GPR158: variants seen among roughly 807,000 people sequenced by gnomAD.
GPR158 encodes the protein G protein-coupled receptor 158.
Under a neutral mutation model 78.2 loss-of-function variants are expected in GPR158, and 30 were observed. The observed-to-expected ratio is 0.38, with a 90% CI of 0.29 to 0.52. The LOEUF is 0.52. Among genes scored for constraint, GPR158 ranks in the 20% least tolerant of loss-of-function variants. The pLI, the probability that GPR158 is intolerant of heterozygous loss-of-function variation, is 0.83. For synonymous variants in GPR158, 581 were observed against 591.1 expected (o/e 0.98, Z 0.25); for missense variants, 1,463 against 1,523.5 (o/e 0.96, Z 0.66).
chr10:25,249,582 G>C, intron 2 of GPR158, among the ~76,000 whole-genome samples: 1 of 151,852 alleles, frequency 6.6e-6, no homozygotes, highest in Non-Finnish European at 1.5e-5. Flanking sequence ...TGTGGATTTT[G>C]TCTTTGGTTC....
intron 2 of GPR158, among the ~76,000 whole-genome samples, chr10:25,288,236 G>A (rs1189969785): frequency 2.0e-5 from 3 of 152,196 alleles, no homozygotes; most frequent in African/African-American, 7.2e-5. Flanking sequence ...AGATTTGGGG[G>A]TTTGAACACA....
At chr10:25,426,591 G>T (rs1273079229) in intron 4 of GPR158, among the ~76,000 whole-genome samples, 2 of 152,080 alleles carry the variant, frequency 1.3e-5, no homozygotes, top group African/African-American at 4.8e-5. Flanking sequence ...CAGGAGAACT[G>T]CCAGTCAGTG....
chr10:25,281,399 A>C (rs1179620779), intron 2 of GPR158, among the ~76,000 whole-genome samples: 3 of 139,878 alleles, frequency 2.1e-5, no homozygotes, highest in African/African-American at 8.1e-5. Context: ...CCTCACCTCT[A>C]CCAAAAATAC....
At chr10:25,278,967 A>G (rs1466466830) in intron 2 of GPR158, among the ~76,000 whole-genome samples, 3 of 152,186 alleles carry the variant, frequency 2.0e-5, no homozygotes, top group Middle Eastern at 3.4e-3. Flanking sequence ...ATGTGCAAAG[A>G]AAATAGTATG....
At chr10:25,566,090 G>A (rs909819426) in intron 6 of GPR158, among the ~76,000 whole-genome samples, 9 of 152,158 alleles carry the variant, frequency 5.9e-5, no homozygotes, top group Non-Finnish European at 1.2e-4. Context: ...CCCTGCAGTG[G>A]CATGGCAAAG....
At chr10:25,323,238 TTTG>T (rs1209261963) in intron 2 of GPR158, among the ~76,000 whole-genome samples, 1 of 152,204 alleles carries the variant, frequency 6.6e-6, no homozygotes, top group African/African-American at 2.4e-5. Flanking sequence ...TCATTTGGGC[TTTG>T]TTGTTACATT....
At chr10:25,350,545 G>GT (rs1274985725) in intron 2 of GPR158, among the ~76,000 whole-genome samples, 1 of 151,982 alleles carries the variant, frequency 6.6e-6, no homozygotes, top group Non-Finnish European at 1.5e-5. Context: ...CCGTTGGTCA[G>GT]TTTTTTCCTA....
chr10:25,547,573 C>A (rs1345117037), intron 5 of GPR158, among the ~76,000 whole-genome samples: 1 of 152,136 alleles, frequency 6.6e-6, no homozygotes, highest in African/African-American at 2.4e-5. Context: ...GTTTCCACTG[C>A]CAGTAATTTC....
At chr10:25,294,990 TGAAAA>T (rs1424382200) in intron 2 of GPR158, among the ~76,000 whole-genome samples, 1 of 152,202 alleles carries the variant, frequency 6.6e-6, no homozygotes, top group Non-Finnish European at 1.5e-5. Flanking sequence ...ATTCAATACT[TGAAAA>T]GAAGAGGACA....
intron 3 of GPR158, among the ~76,000 whole-genome samples, chr10:25,405,085 T>C (rs560275134): frequency 6.6e-6 from 1 of 152,260 alleles, no homozygotes; most frequent in African/African-American, 2.4e-5. Flanking sequence ...GCAATCGCTA[T>C]GAAAGAACCT....
chr10:25,490,089 A>C (rs79620565), intron 5 of GPR158, among the ~76,000 whole-genome samples: 11,688 of 152,114 alleles, frequency 0.077, 1,055 homozygotes, highest in African/African-American at 0.22. Flanking sequence ...CAATATTCAC[A>C]TAAAGAACTG....
chr10:25,568,443 A>G (rs1441167735), intron 6 of GPR158, among the ~76,000 whole-genome samples: 1 of 152,180 alleles, frequency 6.6e-6, no homozygotes, highest in African/African-American at 2.4e-5. Flanking sequence ...AGAAGTAGGA[A>G]GGAAGTAGGA....
chr10:25,374,759 C>A (rs1281540353), intron 2 of GPR158, among the ~76,000 whole-genome samples: 1 of 151,636 alleles, frequency 6.6e-6, no homozygotes, highest in Non-Finnish European at 1.5e-5. Context: ...ATGTAGTATT[C>A]CATAATATGG....
intron 1 of GPR158, among the ~76,000 whole-genome samples, chr10:25,203,385 A>G (rs1852964613): frequency 6.6e-6 from 1 of 152,140 alleles, no homozygotes; most frequent in Non-Finnish European, 1.5e-5. Context: ...TTATGGTTTT[A>G]GGTCTAACAT....
At chr10:25,553,154 A>T (rs936338551) in intron 6 of GPR158, among the ~76,000 whole-genome samples, 4 of 152,172 alleles carry the variant, frequency 2.6e-5, no homozygotes, top group African/African-American at 9.7e-5. Flanking sequence ...AGCTTCCTTT[A>T]AATATTTTAA....
At chr10:25,428,787 A>T (rs1247947197) in intron 4 of GPR158, among the ~76,000 whole-genome samples, 1 of 152,090 alleles carries the variant, frequency 6.6e-6, no homozygotes, top group African/African-American at 2.4e-5. Context: ...TTTACAATGA[A>T]ATATTTGATT....
rs1837446571 is a variant in GPR158, at chr10:25,598,602, A to G, written c.2976A>G (p.Pro992=). The G allele has an allele frequency of 6.2e-7, 1 of 1,613,952 alleles. No individual in the cohort carries two copies. The highest frequency in any genetic ancestry group is 1.3e-5 in the African/African-American group (1 of 74,892). The change falls in exon 11 of 11, where the codon CCA becomes CCG. Residue 992 remains proline (P), a synonymous_variant. Coordinates refer to ENST00000376351, the MANE Select transcript of GPR158 (RefSeq NM_020752.3). ...NPTTANSDLN[P]GTTQMKDNFD... ...CCACTGCCAATTCTGACCTGAACCCAGGCACCACCCAGATGAAGGACAACT... is the reference window on the plus strand; with the variant it reads ...CCACTGCCAATTCTGACCTGAACCCGGGCACCACCCAGATGAAGGACAACT...
intron 2 of GPR158, among the ~76,000 whole-genome samples, chr10:25,248,824 T>G (rs1370013440): frequency 6.6e-6 from 1 of 151,622 alleles, no homozygotes; most frequent in Non-Finnish European, 1.5e-5. Context: ...ATATGAACTT[T>G]AAAGTAGTTT....
chr10:25,562,555 T>C (rs1347054191), intron 6 of GPR158, among the ~76,000 whole-genome samples: 2 of 152,220 alleles, frequency 1.3e-5, no homozygotes, highest in Non-Finnish European at 2.9e-5. Context: ...GAGTATTTTG[T>C]TTAATGTTTA....
Sources: gnomAD v4.1 joint callset for allele counts (sites outside exome capture counted in the v4.1 genomes callset) on GRCh38, gnomAD v4.1.1 for gene constraint, MANE v1.5 for transcripts, NCBI Gene and HGNC (gene_info 2026-07-23, HGNC 2026-07-21) for gene names.